Variants in SVIL observed in about 807,000 individuals in gnomAD.
SVIL encodes supervillin.
In SVIL, 101 loss-of-function variants were observed where a neutral mutation model predicts 240.4. The observed-to-expected ratio is 0.42, with a 90% CI of 0.36 to 0.50. SVIL has a LOEUF of 0.50. Among genes scored for constraint, SVIL ranks in the 20% least tolerant of loss-of-function variants. The pLI, the probability that SVIL is intolerant of heterozygous loss-of-function variation, is 0.01. For synonymous variants in SVIL, 999 were observed against 1,100.0 expected (o/e 0.91, Z 1.82); for missense variants, 2,512 against 2,818.7 (o/e 0.89, Z 2.46).
chr10:29,631,498 C>T (rs1175291025), intron 1 of SVIL, among the ~76,000 whole-genome samples: 6 of 151,520 alleles, frequency 4.0e-5, no homozygotes, highest in African/African-American at 9.7e-5. Flanking sequence ...AAGAATTAGC[C>T]GGGCGTGGTG....
chr10:29,593,502 T>G (rs149168444), intron 1 of SVIL, among the ~76,000 whole-genome samples: 47 of 152,322 alleles, frequency 3.1e-4, no homozygotes, highest in Non-Finnish European at 6.3e-4. Context: ...ACTCAAGTCC[T>G]TAGAAGCCAA....
chr10:29,626,324 G>A (rs2182945), intron 1 of SVIL, among the ~76,000 whole-genome samples: 14,115 of 152,182 alleles, frequency 0.093, 804 homozygotes, highest in Admixed American at 0.14. Context: ...CAAGAGAATC[G>A]CTCAGGGTAC....
chr10:29,631,662 C>A (rs1589425576), intron 1 of SVIL, among the ~76,000 whole-genome samples: 1 of 152,318 alleles, frequency 6.6e-6, no homozygotes, highest in South Asian at 2.1e-4. Context: ...GTAATCCCAG[C>A]TACTCAGGAG....
chr10:29,490,596 A>C (rs1947857719), intron 22 of SVIL, among the ~76,000 whole-genome samples: 1 of 150,332 alleles, frequency 6.7e-6, no homozygotes, highest in Non-Finnish European at 1.5e-5. Flanking sequence ...AAAAAAAAAA[A>C]AAAAAAACCA....
At chr10:29,531,881 G>T in intron 9 of SVIL, 121 bp downstream of exon 9, 2 of 1,174,880 alleles carry the variant, frequency 1.7e-6, no homozygotes, top group Non-Finnish European at 2.4e-6. Flanking sequence ...TTATAGGTTA[G>T]ATGGAACAAT....
At chr10:29,503,736 A>G (rs1315534890) in intron 17 of SVIL, among the ~76,000 whole-genome samples, 1 of 152,228 alleles carries the variant, frequency 6.6e-6, no homozygotes, top group Admixed American at 6.5e-5. Flanking sequence ...TTCCATGTTC[A>G]TGGATAAGAA....
At chr10:29,589,713 G>T (rs1406458948) in intron 1 of SVIL, among the ~76,000 whole-genome samples, 2 of 152,136 alleles carry the variant, frequency 1.3e-5, no homozygotes, top group Non-Finnish European at 2.9e-5. Flanking sequence ...GGAACAGGGG[G>T]TCTGGAGTTG....
In SVIL at chr10:29,527,017, A is replaced by G; in HGVS notation, c.2286T>C (p.Pro762=). ...TGGGGCTAGGAAGTCTCGCCATTAC[A>G]GGGTGGGTGCCCCCAGAACACGAAG... ...IPASCSGGTH[P]VMARLPSPTV... The change falls in exon 13 of 38, where the codon CCT becomes CCC. Residue 762 remains proline, a synonymous_variant. Transcript: ENST00000355867. The G allele has an allele frequency of 1.2e-6, 2 of 1,613,480 alleles. No homozygotes were observed. Among genetic ancestry groups the G allele is most frequent in the Non-Finnish European group, 1.7e-6 (2 of 1,179,764 alleles).
At chr10:29,577,465 A>G (rs900103846) in intron 1 of SVIL, among the ~76,000 whole-genome samples, 1 of 152,198 alleles carries the variant, frequency 6.6e-6, no homozygotes, top group African/African-American at 2.4e-5. Context: ...TACTTCACTT[A>G]GAATAATGGT....
chr10:29,550,940 C>T lies in SVIL; in HGVS notation c.484G>A (p.Asp162Asn). The T allele has an allele frequency of 6.2e-7, 1 of 1,614,124 alleles. No homozygotes were observed. The highest frequency in any genetic ancestry group is 8.5e-7 in the Non-Finnish European group (1 of 1,180,028). Residue 162 changes from aspartate to asparagine, a missense_variant, in exon 6 of 38, where the codon GAT becomes AAT. Coordinates refer to ENST00000355867, the MANE Select transcript of SVIL (RefSeq NM_021738.3). ...GTCCCGGGGTACAGAGAACTAGCAT[C>T]TCTGCTTGACTCTTCCTGTTTGTCA... Reference protein sequence around the residue: ...KSDKQEESSRDASSLYPGTET... With the variant: ...KSDKQEESSRNASSLYPGTET...
chr10:29,470,510 GAGT>G (rs771480597), intron 31 of SVIL, 27 bp from the exon 32 acceptor site: 42 of 1,612,388 alleles, frequency 2.6e-5, no homozygotes, highest in Non-Finnish European at 3.4e-5. Flanking sequence ...CGGCGCGGAG[GAGT>G]TAGCACGTGA....
intron 6 of SVIL, among the ~76,000 whole-genome samples, chr10:29,544,723 T>G (rs1374872096): frequency 8.2e-6 from 1 of 122,330 alleles, no homozygotes; most frequent in African/African-American, 3.3e-5. Context: ...ACTGCTGCAC[T>G]CCAGCCTGGG....
chr10:29,642,694 T>C (rs777731171), intron 3 of SVIL, among the ~76,000 whole-genome samples: 1 of 152,016 alleles, frequency 6.6e-6, no homozygotes, highest in Non-Finnish European at 1.5e-5. Flanking sequence ...CTCTCTCTCT[T>C]TTTTTTGGAG....
chr10:29,514,802 CT>C (rs1441986835), intron 16 of SVIL, among the ~76,000 whole-genome samples: 1 of 151,950 alleles, frequency 6.6e-6, no homozygotes, highest in East Asian at 1.9e-4. Context: ...TCTAAGGGTC[CT>C]TCTTCCAAGC....
rs753370461 is a variant in SVIL at position 29,490,833 on chromosome 10, G to T, written c.4192+14C>A. 7.2e-5 allele frequency: 116 copies of T among 1,613,052 alleles called. 3 individuals are homozygous for T. The South Asian group carries it at 1.3e-3, about 18-fold the overall frequency. ...TCCCAAACACAGAAGCAGGGTGGGG[G>T]TTCAAATACTCACTCTTTTCTACTT... On this transcript the variant is annotated intron_variant, in intron 22 of 37. Transcript: ENST00000355867.
At chr10:29,594,789 T>C (rs575256561) in intron 1 of SVIL, among the ~76,000 whole-genome samples, 174 of 152,318 alleles carry the variant, frequency 1.1e-3, no homozygotes, top group Non-Finnish European at 2.0e-3. Context: ...ACTCCTGGGC[T>C]CAAGCAGTCA....
At chr10:29,582,194 A>G (rs904804988) in intron 1 of SVIL, among the ~76,000 whole-genome samples, 1 of 152,202 alleles carries the variant, frequency 6.6e-6, no homozygotes, top group African/African-American at 2.4e-5. Context: ...GTTCACTTAA[A>G]CGTGGTTGAA....
chr10:29,567,666 T>C (rs1955080862), intron 2 of SVIL, among the ~76,000 whole-genome samples: 1 of 152,226 alleles, frequency 6.6e-6, no homozygotes, highest in South Asian at 2.1e-4. Flanking sequence ...GTCTCTTTTT[T>C]CCTTAGTCAC....
intron 2 of SVIL, among the ~76,000 whole-genome samples, chr10:29,676,074 A>G (rs1256565658): frequency 6.6e-6 from 1 of 152,048 alleles, no homozygotes; most frequent in South Asian, 2.1e-4. Context: ...CCAATTCCTC[A>G]TCCTTACCTC....
Sources: gnomAD v4.1 joint callset for allele counts (sites outside exome capture counted in the v4.1 genomes callset) on GRCh38, gnomAD v4.1.1 for gene constraint, MANE v1.5 for transcripts, NCBI Gene and HGNC (gene_info 2026-07-23, HGNC 2026-07-21) for gene names.